The following HELLS variants were observed in gnomAD, a reference collection of about 807,000 sequenced individuals.
HELLS encodes the protein helicase, lymphoid specific, also known as lymphoid-specific helicase.
HELLS carries 32 observed loss-of-function variants against 120.0 expected under a neutral mutation model. The ratio of observed to expected loss-of-function variants is 0.27; its 90% CI spans 0.20 to 0.36. The LOEUF is 0.36. Ranked by LOEUF, HELLS falls within the 10% of genes least tolerant of loss-of-function variation. HELLS has a pLI of 1.00. For synonymous variants in HELLS, 341 were observed against 323.4 expected (o/e 1.05, Z -0.58); for missense variants, 650 against 993.4 (o/e 0.65, Z 4.65).
chr10:94,580,187 T>TCACA lies in HELLS; in HGVS notation c.1033-1139_1033-1138insCACA, dbSNP rs1564602849. 2.7e-3 allele frequency among the ~76,000 whole-genome samples: 130 copies of TCACA among 47,508 alleles called. 2 individuals carry two copies. The highest frequency in any genetic ancestry group is 0.011 in the South Asian group (9 of 822). 31.2% of individuals were successfully genotyped at this position (47,508 alleles called of 152,430 possible). On this transcript the variant is annotated intron_variant, in intron 10 of 21. Transcript: ENST00000348459. ...TACACACACACACACACACACACAT[T>TCACA]TTTTTTTTTTTTTTTTTGAGACAGT...
chr10:94,577,291 CCTT>C (rs1564599141), intron 10 of HELLS: 1 of 277,464 alleles, frequency 3.6e-6, no homozygotes, highest in Non-Finnish European at 7.0e-6. Flanking sequence ...TTCTTTCATG[CCTT>C]CTGTTTTCAT....
At chr10:94,548,204 G>C (rs1399210006) in intron 2 of HELLS, among the ~76,000 whole-genome samples, 1 of 152,114 alleles carries the variant, frequency 6.6e-6, no homozygotes, top group African/African-American at 2.4e-5. Context: ...TTATTGAATA[G>C]CTAACGATGA....
chr10:94,601,745 A>C lies in HELLS; in HGVS notation c.*123A>C. The C allele has an allele frequency of 3.7e-6, 2 of 540,744 alleles. No individual in the cohort carries two copies. Among genetic ancestry groups the C allele is most frequent in the South Asian group, 4.9e-5 (2 of 40,664 alleles). The allele number at this position is 540,744 out of a possible 1,614,324, so 33.5% of individuals were successfully genotyped here. On this transcript the variant is annotated 3_prime_UTR_variant, in exon 22 of 22. Transcript: ENST00000348459. ...TTATATCAGTTGACATGTAACTAGT[A>C]CCATGCGTACTTAAATAGATGGTAA... is the stretch of plus-strand genomic sequence containing the variant.
chr10:94,605,710 C>A (rs2134143792), downstream of HELLS, among the ~76,000 whole-genome samples: 1 of 148,810 alleles, frequency 6.7e-6, no homozygotes, highest in African/African-American at 2.5e-5. Context: ...CAGCTCACTG[C>A]AGCCTTGACC....
At chr10:94,568,073 C>A (rs1346961932) in intron 6 of HELLS, among the ~76,000 whole-genome samples, 1 of 152,016 alleles carries the variant, frequency 6.6e-6, no homozygotes, top group African/African-American at 2.4e-5. Flanking sequence ...CCACGCCCAG[C>A]TAATTTTTGT....
At chr10:94,578,795 T>G (rs1844652889) in intron 10 of HELLS, among the ~76,000 whole-genome samples, 2 of 152,146 alleles carry the variant, frequency 1.3e-5, no homozygotes, top group South Asian at 4.1e-4. Flanking sequence ...TCATCCACCA[T>G]TAGATTTTTA....
At chr10:94,576,085 A>T (rs1331415950) in intron 9 of HELLS, among the ~76,000 whole-genome samples, 1 of 151,492 alleles carries the variant, frequency 6.6e-6, no homozygotes, top group Non-Finnish European at 1.5e-5. Flanking sequence ...GGTATGAGCC[A>T]TCCCACCTGG....
In HELLS at chr10:94,562,869, C is replaced by A; in HGVS notation, c.428C>A (p.Ser143Ter). 6.4e-7 allele frequency: 1 copy of A among 1,566,974 alleles called. No individual in the cohort carries two copies. The change falls in exon 6 of 22, where the codon TCA (serine) becomes TAA (stop). Residue 143 changes from serine (S) to a stop codon, truncating the protein, a stop_gained. Coordinates refer to ENST00000348459, the MANE Select transcript of HELLS (RefSeq NM_018063.5). LOFTEE classifies it high-confidence loss of function. ...TCATACAATATTTCAGAGGTCATGT[C>A]AAAAGAGGTAAAAATAAAAGGGAGA... is the stretch of plus-strand genomic sequence containing the variant. ...DESYNISEVM[S>*]KEEILSVAKK...
chr10:94,576,940 A>G (rs1377216525), intron 10 of HELLS, 135 bp downstream of exon 10: 2 of 718,220 alleles, frequency 2.8e-6, no homozygotes, highest in African/African-American at 3.6e-5. Context: ...TTGTGCATAT[A>G]CCTGTAGAAG....
chr10:94,611,686 T>G (rs701885), exon 10 of HELLS: 11 of 151,932 alleles, frequency 7.2e-5, no homozygotes, highest in African/African-American at 1.2e-4. Flanking sequence ...ATTTTCCCGG[T>G]TTGTAGGACC....
Position 94,588,277 on chromosome 10 carries a change from GA to G in HELLS, c.1377del (p.Val460PhefsTer7), listed in dbSNP as rs1481290660. The G allele has an allele frequency of 6.2e-7, 1 of 1,610,790 alleles. No homozygotes were observed. On this transcript the variant is annotated frameshift_variant, in exon 13 of 22. Transcript: ENST00000348459. LOFTEE classifies it high-confidence loss of function. ...LRRLKSDVAL[E>X]VPPKREVVVY... ...AAGACTGAAGTCTGATGTTGCTCTT[GA>G]AGTTCCTCCTAAACGAGAAGTAGTC...
intron 6 of HELLS, among the ~76,000 whole-genome samples, chr10:94,565,107 C>G (rs187321863): frequency 6.6e-6 from 1 of 152,158 alleles, no homozygotes; most frequent in Admixed American, 6.5e-5. Flanking sequence ...GAGGCTGAGG[C>G]GGGTGGATCC....
At chr10:94,595,091 G>A (rs11188039) in intron 19 of HELLS, among the ~76,000 whole-genome samples, 55,900 of 151,432 alleles carry the variant, frequency 0.37, 10,837 homozygotes, top group East Asian at 0.69. Flanking sequence ...AGCTGGGCTC[G>A]GTGGCGGGCG....
intron 15 of HELLS, among the ~76,000 whole-genome samples, 182 bp downstream of exon 15, chr10:94,590,958 G>A (rs991498030): frequency 6.6e-6 from 1 of 152,028 alleles, no homozygotes; most frequent in African/African-American, 2.4e-5. Context: ...CCTTATCAGG[G>A]TTAGAAAAAT....
intron 13 of HELLS, among the ~76,000 whole-genome samples, chr10:94,588,604 C>T (rs1845299258): frequency 6.6e-6 from 1 of 152,092 alleles, no homozygotes; most frequent in Non-Finnish European, 1.5e-5. Flanking sequence ...TGGTCTCAGA[C>T]TCCTGGGCTT....
chr10:94,546,012 A>G (rs1842736580), intron 1 of HELLS, 60 bp downstream of exon 1: 5 of 1,539,596 alleles, frequency 3.2e-6, no homozygotes, highest in South Asian at 1.2e-5. Context: ...GTGGGCAAGC[A>G]TGGAGGCTGC....
chr10:94,553,973 AT>A lies in HELLS; in HGVS notation c.154-143del, dbSNP rs61547368. Among the ~76,000 whole-genome samples, 589 of 150,134 alleles carry A rather than the reference AT, an allele frequency of 3.9e-3. 6 individuals carry two copies. Among genetic ancestry groups the A allele is most frequent in the African/African-American group, 0.013 (538 of 41,036 alleles). On this transcript the variant is annotated intron_variant, in intron 2 of 21. Transcript: ENST00000348459. Reference sequence around the variant, plus strand: ...AGATTGCCTGTTAAACCCAAAAACTATTTTTTTTTTAACAGTTATTTGTTCC... The same window carrying A: ...AGATTGCCTGTTAAACCCAAAAACTATTTTTTTTTAACAGTTATTTGTTCC...
downstream of HELLS, among the ~76,000 whole-genome samples, chr10:94,604,439 C>T (rs1846104285): frequency 6.6e-6 from 1 of 151,992 alleles, no homozygotes; most frequent in African/African-American, 2.4e-5. Context: ...TAAAAGTCGT[C>T]ATGTCTCTGC....
At chr10:94,565,899 A>AT in intron 6 of HELLS, among the ~76,000 whole-genome samples, 1 of 145,496 alleles carries the variant, frequency 6.9e-6, no homozygotes, top group Admixed American at 6.9e-5. Flanking sequence ...AATGAAATTG[A>AT]ATTTTTTTTT....
Sources: gnomAD v4.1 joint callset for allele counts (sites outside exome capture counted in the v4.1 genomes callset) on GRCh38, gnomAD v4.1.1 for gene constraint, MANE v1.5 for transcripts, NCBI Gene and HGNC (gene_info 2026-07-23, HGNC 2026-07-21) for gene names.